PRKCB: variants seen among roughly 807,000 people sequenced by gnomAD.
The protein encoded by PRKCB is protein kinase C beta.
PRKCB carries 13 observed loss-of-function variants against 81.5 expected under a neutral mutation model. That is an observed-to-expected ratio of 0.16 (90% CI 0.10 to 0.25). The LOEUF (loss-of-function observed/expected upper bound fraction) is 0.25. Among genes scored for constraint, PRKCB ranks in the 10% least tolerant of loss-of-function variants. The pLI, the probability that PRKCB is intolerant of heterozygous loss-of-function variation, is 1.00. For missense variants in PRKCB, 509 were observed against 875.7 expected, an observed-to-expected ratio of 0.58 and a Z score of 5.29; for synonymous variants, 335 against 321.4, an observed-to-expected ratio of 1.04 and a Z score of -0.45.
rs546117183 is a variant in PRKCB at position 24,091,533 on chromosome 16, G to A, written c.530-1258G>A. The stretch of plus-strand genomic sequence containing the variant: ...AATTAACTACTTCCTGTTTCTCCAA[G>A]CTGATGATTTAGTCTCCCTCATCCT... On this transcript the variant is annotated intron_variant, in intron 5 of 16. Transcript: ENST00000643927. 6.2e-4 allele frequency among the ~76,000 whole-genome samples: 94 copies of A among 152,240 alleles called. 1 individual carries two copies. The highest frequency in any genetic ancestry group is 2.2e-3 in the African/African-American group (91 of 41,544).
intron 2 of PRKCB, among the ~76,000 whole-genome samples, chr16:23,868,220 A>G (rs1321243561): frequency 1.3e-5 from 2 of 152,148 alleles, no homozygotes; most frequent in African/African-American, 4.8e-5. Flanking sequence ...ATCCTTTACA[A>G]ATAGAGGCAA....
chr16:24,012,351 T>A (rs183792824), intron 3 of PRKCB, among the ~76,000 whole-genome samples: 2 of 152,212 alleles, frequency 1.3e-5, no homozygotes, highest in African/African-American at 4.8e-5. Context: ...TGAACTGACT[T>A]GCCAGGTCAC....
intron 2 of PRKCB, among the ~76,000 whole-genome samples, chr16:23,965,518 G>C (rs1964475967): frequency 1.3e-5 from 2 of 152,134 alleles, no homozygotes; most frequent in South Asian, 4.1e-4. Flanking sequence ...GGATGAGTTA[G>C]GAATCAATTA....
intron 2 of PRKCB, among the ~76,000 whole-genome samples, chr16:23,871,567 C>A (rs1490541706): frequency 1.3e-5 from 2 of 151,918 alleles, no homozygotes; most frequent in Non-Finnish European, 2.9e-5. Context: ...ATCCCATCAC[C>A]TTGTTTTTTT....
intron 9 of PRKCB, among the ~76,000 whole-genome samples, chr16:24,128,245 G>T (rs1162459428): frequency 6.6e-6 from 1 of 152,130 alleles, no homozygotes; most frequent in South Asian, 2.1e-4. Context: ...CATGGTGGCA[G>T]GCGCCTGTAT....
At chr16:24,059,667 G>C (rs1053227669) in intron 5 of PRKCB, among the ~76,000 whole-genome samples, 1 of 151,894 alleles carries the variant, frequency 6.6e-6, no homozygotes, top group Non-Finnish European at 1.5e-5. Flanking sequence ...ACCCTATCTC[G>C]AATAATAATT....
chr16:24,216,825 G>A lies in PRKCB; in HGVS notation c.*2009G>A. The A allele has an allele frequency of 1.0e-6, 1 of 985,504 alleles. No individual in the cohort carries two copies. Among genetic ancestry groups the A allele is most frequent in the Non-Finnish European group, 1.2e-6 (1 of 829,972 alleles). 61.0% of individuals were successfully genotyped at this position (985,504 alleles called of 1,614,324 possible). On this transcript the variant is annotated 3_prime_UTR_variant, in exon 17 of 17. Coordinates refer to ENST00000643927, the MANE Select transcript of PRKCB (RefSeq NM_002738.7). ...TTGTTGAGAAACTGGCATCTGGAAAGAGGAAGGAATTTGCCCAAAGTCAGT... is the reference window on the plus strand; with the variant it reads ...TTGTTGAGAAACTGGCATCTGGAAAAAGGAAGGAATTTGCCCAAAGTCAGT...
intron 2 of PRKCB, among the ~76,000 whole-genome samples, chr16:23,860,754 CA>C (rs548312716): frequency 1.3e-5 from 2 of 150,996 alleles, no homozygotes; most frequent in South Asian, 2.1e-4. Flanking sequence ...CAAATCAAAA[CA>C]AAAAAACCGG....
Position 24,094,376 on chromosome 16 carries a change from C to T in PRKCB, c.821+79C>T. ...GGGTCAAGTATGTTTTCCTTTTTCT[C>T]CAAAAATTGAAATACTAAAACAGAG... On this transcript the variant is annotated intron_variant, in intron 7 of 16. Transcript: ENST00000643927. 4.6e-6 allele frequency: 7 copies of T among 1,533,824 alleles called. No homozygotes were observed. The South Asian group carries it at 6.2e-5, about 14-fold the overall frequency.
rs897689527 is a variant in PRKCB, at chr16:24,218,265, G to A, written c.*3449G>A. The A allele has an allele frequency of 5.1e-6, 5 of 985,282 alleles. No individual in the cohort carries two copies. The highest frequency in any genetic ancestry group is 1.2e-4 in the Admixed American group (2 of 16,256). The allele number at this position is 985,282 out of a possible 1,614,324, so 61.0% of individuals were successfully genotyped here. ...GACTTGTGGGGATTGGGAGAGAGAT[G>A]CACAGACAATATTAAAGAGGAGGCA... On this transcript the variant is annotated 3_prime_UTR_variant, in exon 17 of 17. Transcript: ENST00000643927.
intron 7 of PRKCB, chr16:24,099,517 G>A (rs752737049): frequency 2.0e-5 from 3 of 152,258 alleles, no homozygotes; most frequent in Non-Finnish European, 4.4e-5. Context: ...TGGGGAGGCA[G>A]AAGTTACAGG....
chr16:23,875,401 A>G (rs1021835724), intron 2 of PRKCB, among the ~76,000 whole-genome samples: 2 of 151,666 alleles, frequency 1.3e-5, no homozygotes, highest in Admixed American at 1.3e-4. Context: ...AGACCCAGGG[A>G]CCCTTTTTAG....
chr16:24,183,062 G>A (rs972218959), intron 13 of PRKCB, among the ~76,000 whole-genome samples: 6 of 151,934 alleles, frequency 3.9e-5, no homozygotes, highest in Non-Finnish European at 5.9e-5. Flanking sequence ...GGGTTTCACC[G>A]TGTTAGCCAG....
intron 9 of PRKCB, among the ~76,000 whole-genome samples, chr16:24,146,527 G>A (rs78155947): frequency 3.3e-5 from 5 of 152,102 alleles, no homozygotes; most frequent in African/African-American, 9.7e-5. Flanking sequence ...ACTTGGACAC[G>A]TACCAGGTTT....
At chr16:24,068,008 G>A (rs1047484254) in intron 5 of PRKCB, among the ~76,000 whole-genome samples, 6 of 151,906 alleles carry the variant, frequency 3.9e-5, no homozygotes, top group Non-Finnish European at 7.4e-5. Context: ...GCAGGTTGGG[G>A]TCACCCTTCT....
intron 2 of PRKCB, among the ~76,000 whole-genome samples, chr16:23,968,739 C>T (rs1964519953): frequency 6.6e-6 from 1 of 152,168 alleles, no homozygotes; most frequent in Non-Finnish European, 1.5e-5. Flanking sequence ...TAACTCTCAG[C>T]TTCCCTACCT....
At chr16:23,883,811 C>T (rs563942770) in intron 2 of PRKCB, among the ~76,000 whole-genome samples, 1 of 152,282 alleles carries the variant, frequency 6.6e-6, no homozygotes, top group African/African-American at 2.4e-5. Flanking sequence ...CCCATAACCA[C>T]ATTTTGTAGA....
At chr16:23,890,572 C>T (rs1005673746) in intron 2 of PRKCB, among the ~76,000 whole-genome samples, 5 of 152,150 alleles carry the variant, frequency 3.3e-5, no homozygotes, top group African/African-American at 9.7e-5. Flanking sequence ...ATCTTTGTGA[C>T]TCCCAGTCAT....
chr16:24,181,873 TA>T, intron 13 of PRKCB, among the ~76,000 whole-genome samples: 1 of 151,338 alleles, frequency 6.6e-6, no homozygotes, highest in Middle Eastern at 3.4e-3. Context: ...TTTCAATGAG[TA>T]AAAGCATACA....
Sources: allele counts gnomAD v4.1 joint callset (sites outside exome capture counted in the v4.1 genomes callset), GRCh38; gene constraint gnomAD v4.1.1; transcripts MANE v1.5; gene names NCBI Gene and HGNC (gene_info 2026-07-23, HGNC 2026-07-21).